The following MARCHF1 variants were observed in gnomAD, a reference collection of about 807,000 sequenced individuals.
MARCHF1 encodes membrane associated ring-CH-type finger 1, also known as E3 ubiquitin-protein ligase MARCHF1.
Under a neutral mutation model 54.2 loss-of-function variants are expected in MARCHF1, and 40 were observed. The observed-to-expected ratio is 0.74, with a 90% confidence interval of 0.57 to 0.96. The LOEUF is 0.96. Among genes scored for constraint, MARCHF1 ranks in the 40% least tolerant of loss-of-function variants. The pLI is 0.00. For synonymous variants in MARCHF1, 236 were observed against 236.3 expected (o/e 1.00, Z 0.01); for missense variants, 586 against 656.5 (o/e 0.89, Z 1.17).
chr4:164,242,032 G>T (rs1038403772), intron 1 of MARCHF1, among the ~76,000 whole-genome samples: 3 of 152,332 alleles, frequency 2.0e-5, no homozygotes, highest in African/African-American at 7.2e-5. Context: ...AAACTGCAAG[G>T]CGGCAGCGAG....
chr4:164,037,443 C>G (rs1754029426), intron 2 of MARCHF1, among the ~76,000 whole-genome samples: 1 of 152,148 alleles, frequency 6.6e-6, no homozygotes. Flanking sequence ...ATATTTTAGT[C>G]ACCTTCCAAC....
chr4:164,185,682 A>G (rs554316864), intron 1 of MARCHF1, among the ~76,000 whole-genome samples: 1 of 152,150 alleles, frequency 6.6e-6, no homozygotes, highest in Admixed American at 6.5e-5. Flanking sequence ...TTTTTTTCCC[A>G]TTGAGATAAG....
chr4:163,906,717 A>T (rs1430009404), intron 3 of MARCHF1, among the ~76,000 whole-genome samples: 1 of 149,622 alleles, frequency 6.7e-6, no homozygotes, highest in African/African-American at 2.4e-5. Context: ...AAAGTCTTAG[A>T]CAAATAAAAA....
At chr4:163,848,494 A>T (rs1159401379) in intron 4 of MARCHF1, among the ~76,000 whole-genome samples, 1 of 151,952 alleles carries the variant, frequency 6.6e-6, no homozygotes, top group Non-Finnish European at 1.5e-5. Flanking sequence ...GGATTTTTCA[A>T]CTCTAATCCT....
At chr4:164,331,271 A>G (rs187477058) in intron 1 of MARCHF1, among the ~76,000 whole-genome samples, 157 of 152,356 alleles carry the variant, frequency 1.0e-3, no homozygotes, top group Non-Finnish European at 1.7e-3. Context: ...ATTAAAAAAA[A>G]GTATGAAATG....
chr4:164,091,656 C>T (rs1223508258), intron 2 of MARCHF1, among the ~76,000 whole-genome samples: 3 of 151,848 alleles, frequency 2.0e-5, no homozygotes, highest in African/African-American at 7.2e-5. Flanking sequence ...GATCACCTAT[C>T]TACAAGTAGT....
intron 5 of MARCHF1, chr4:163,613,635 A>C (rs868339523): frequency 2.1e-6 from 3 of 1,419,888 alleles, no homozygotes; most frequent in Middle Eastern, 2.6e-4. Context: ...CGAGAGAGGA[A>C]GATGATTCCA....
At chr4:164,061,314 T>G (rs1437555639) in intron 2 of MARCHF1, among the ~76,000 whole-genome samples, 1 of 151,862 alleles carries the variant, frequency 6.6e-6, no homozygotes, top group Non-Finnish European at 1.5e-5. Flanking sequence ...TTCCCCACTT[T>G]TATTATTTTT....
intron 1 of MARCHF1, among the ~76,000 whole-genome samples, chr4:164,253,797 T>C (rs1417713953): frequency 6.6e-6 from 1 of 152,038 alleles, no homozygotes; most frequent in Non-Finnish European, 1.5e-5. Context: ...AAGAAATAAA[T>C]GGATAAAGAA....
intron 1 of MARCHF1, among the ~76,000 whole-genome samples, chr4:164,226,537 C>T (rs142008201): frequency 0.01 from 1,550 of 151,916 alleles, 20 homozygotes; most frequent in Admixed American, 0.018. Flanking sequence ...AAAATAGATA[C>T]AACACATAGA....
intron 4 of MARCHF1, among the ~76,000 whole-genome samples, chr4:163,723,728 T>G (rs1025852143): frequency 6.6e-6 from 1 of 152,196 alleles, no homozygotes; most frequent in African/African-American, 2.4e-5. Flanking sequence ...CATGTCTTTT[T>G]ACTCTTTTTT....
chr4:164,078,082 G>T (rs766402348), intron 2 of MARCHF1, among the ~76,000 whole-genome samples: 1 of 152,146 alleles, frequency 6.6e-6, no homozygotes, highest in African/African-American at 2.4e-5. Context: ...ACATGCACAC[G>T]TATGTTTATT....
intron 1 of MARCHF1, among the ~76,000 whole-genome samples, chr4:164,280,580 A>T (rs989051642): frequency 6.6e-6 from 1 of 152,124 alleles, no homozygotes; most frequent in African/African-American, 2.4e-5. Flanking sequence ...TTATAGATTT[A>T]TGTTCAAATA....
At chr4:163,937,895 T>C (rs935937316) in intron 3 of MARCHF1, among the ~76,000 whole-genome samples, 3 of 152,132 alleles carry the variant, frequency 2.0e-5, no homozygotes, top group African/African-American at 7.2e-5. Context: ...AGAAAAATAG[T>C]GAAAGATGTG....
intron 1 of MARCHF1, among the ~76,000 whole-genome samples, chr4:164,207,114 G>C (rs561573624): frequency 9.2e-5 from 14 of 152,132 alleles, no homozygotes; most frequent in Non-Finnish European, 1.9e-4. Flanking sequence ...TATTTTTGCA[G>C]GTGAGGAAGG....
intron 2 of MARCHF1, among the ~76,000 whole-genome samples, chr4:164,106,765 A>G (rs1466645739): frequency 3.6e-5 from 2 of 55,796 alleles, no homozygotes; most frequent in Admixed American, 2.6e-4. Flanking sequence ...TTGAAGTATA[A>G]TAAAAATAAA....
At chr4:164,184,159 A>G (rs565975203) in intron 1 of MARCHF1, among the ~76,000 whole-genome samples, 185 of 152,274 alleles carry the variant, frequency 1.2e-3, no homozygotes, top group African/African-American at 4.1e-3. Context: ...AAACTCATAA[A>G]GTGTAAAGCT....
chr4:163,923,703 T>C (rs1468352940), intron 3 of MARCHF1, among the ~76,000 whole-genome samples: 1 of 151,752 alleles, frequency 6.6e-6, no homozygotes, highest in African/African-American at 2.4e-5. Context: ...AAAGTGATTG[T>C]ATTTAATATA....
chr4:163,899,795 C>A (rs935512932), intron 3 of MARCHF1, among the ~76,000 whole-genome samples: 1 of 150,396 alleles, frequency 6.6e-6, no homozygotes, highest in Non-Finnish European at 1.5e-5. Context: ...CACACACACT[C>A]CTCAGTTTCT....
Sources: gnomAD v4.1 joint callset for allele counts (sites outside exome capture counted in the v4.1 genomes callset) on GRCh38, gnomAD v4.1.1 for gene constraint, MANE v1.5 for transcripts, NCBI Gene and HGNC (gene_info 2026-07-23, HGNC 2026-07-21) for gene names.